Variants in CAST observed in about 807,000 individuals in gnomAD.
CAST encodes the protein MIR583 host.
Under a neutral mutation model 119.6 loss-of-function variants are expected in CAST, and 76 were observed. The ratio of observed to expected loss-of-function variants is 0.64; its 90% CI spans 0.53 to 0.77. CAST has a LOEUF of 0.77. Among genes scored for constraint, CAST ranks in the 30% least tolerant of loss-of-function variants. The probability of loss-of-function intolerance (pLI) is 0.00; values close to 1 mark genes in which losing one functional copy is unlikely to be tolerated. For synonymous variants in CAST, 319 were observed against 331.6 expected, an observed-to-expected ratio of 0.96 and a Z score of 0.41; for missense variants, 953 against 946.5, an observed-to-expected ratio of 1.01 and a Z score of -0.09.
the CAST span, among the ~76,000 whole-genome samples, chr5:96,516,788 G>A: frequency 6.6e-6 from 1 of 152,188 alleles, no homozygotes; most frequent in South Asian, 2.1e-4. Context: ...ACATGCATTT[G>A]TATTTTGGAA....
intron 18 of CAST, 98 bp from the exon 19 acceptor site, chr5:96,748,420 A>T (rs1165595627): frequency 1.8e-6 from 1 of 557,282 alleles, no homozygotes. Flanking sequence ...GTATGGCCTC[A>T]TATGTGTTAA....
chr5:96,647,994 CT>C, intron 1 of CAST, among the ~76,000 whole-genome samples: 1 of 152,338 alleles, frequency 6.6e-6, no homozygotes, highest in East Asian at 1.9e-4. Flanking sequence ...GGAAATGCCC[CT>C]TGTGAATTTG....
chr5:96,043,142 G>A, the CAST span, among the ~76,000 whole-genome samples: 3 of 152,080 alleles, frequency 2.0e-5, no homozygotes, highest in African/African-American at 7.2e-5. Flanking sequence ...TAAAATACAA[G>A]ATTAAAAACA....
chr5:95,998,178 A>C, the CAST span, among the ~76,000 whole-genome samples: 1 of 152,104 alleles, frequency 6.6e-6, no homozygotes, highest in Middle Eastern at 3.4e-3. Flanking sequence ...TCACCTATTT[A>C]AAGTGTACAT....
chr5:96,741,146 C>T (rs1342433490), intron 13 of CAST, 120 bp from the exon 14 acceptor site: 1 of 645,584 alleles, frequency 1.5e-6, no homozygotes, highest in Non-Finnish European at 2.8e-6. Flanking sequence ...GTTTCATTAA[C>T]ACACCTCATT....
At chr5:96,288,170 C>T in the CAST span, among the ~76,000 whole-genome samples, 1 of 152,062 alleles carries the variant, frequency 6.6e-6, no homozygotes, top group Non-Finnish European at 1.5e-5. Context: ...TGTGGGTGCA[C>T]CTGGAAAGAA....
At chr5:96,722,256 G>GT (rs1377129462) in intron 3 of CAST, among the ~76,000 whole-genome samples, 19 of 152,160 alleles carry the variant, frequency 1.2e-4, no homozygotes, top group African/African-American at 1.9e-4. Flanking sequence ...CAAAATCCAT[G>GT]TTTTTTCTGA....
the CAST span, among the ~76,000 whole-genome samples, chr5:96,356,763 C>T: frequency 1.3e-5 from 2 of 152,050 alleles, no homozygotes; most frequent in Admixed American, 6.6e-5. Flanking sequence ...AGTCAGGTAG[C>T]GTGATGCCTC....
the CAST span, among the ~76,000 whole-genome samples, chr5:96,378,784 TTTA>T: frequency 6.6e-6 from 1 of 152,130 alleles, no homozygotes; most frequent in Non-Finnish European, 1.5e-5. Flanking sequence ...ACCAATTCAT[TTTA>T]TTATCATTCA....
chr5:96,075,157 ATATG>A, the CAST span, among the ~76,000 whole-genome samples: 5 of 152,076 alleles, frequency 3.3e-5, no homozygotes, highest in East Asian at 9.6e-4. Context: ...CTCTTCTAAT[ATATG>A]TTCGTCTTTT....
chr5:96,675,728 C>A, intron 2 of CAST, 127 bp downstream of exon 2: 1 of 661,726 alleles, frequency 1.5e-6, no homozygotes. Flanking sequence ...TTTGATTTAA[C>A]CAAGATTTGG....
At chr5:96,269,992 C>A in the CAST span, among the ~76,000 whole-genome samples, 1 of 152,070 alleles carries the variant, frequency 6.6e-6, no homozygotes, top group East Asian at 1.9e-4. Flanking sequence ...AAATTCTCAA[C>A]AAAATACTAG....
chr5:96,291,599 TTC>T, the CAST span, among the ~76,000 whole-genome samples: 14 of 152,126 alleles, frequency 9.2e-5, no homozygotes, highest in Non-Finnish European at 4.4e-5. Flanking sequence ...ACTCATTCAT[TTC>T]TCTCTCTTAA....
chr5:96,559,784 G>T (rs1429042650), intron 1 of CAST, among the ~76,000 whole-genome samples: 1 of 152,166 alleles, frequency 6.6e-6, no homozygotes, highest in Non-Finnish European at 1.5e-5. Flanking sequence ...AGTGCCCAAG[G>T]TAATTTATAG....
At chr5:96,248,147 C>T in the CAST span, 4 of 152,240 alleles carry the variant, frequency 2.6e-5, no homozygotes, top group South Asian at 2.1e-4. Flanking sequence ...TTCTTGGCCT[C>T]CCCTTTAGTT....
the CAST span, among the ~76,000 whole-genome samples, chr5:96,178,742 G>A: frequency 6.6e-6 from 1 of 152,174 alleles, no homozygotes; most frequent in Admixed American, 6.5e-5. Context: ...GCCCTTCCTG[G>A]GGAAAATCAG....
the CAST span, among the ~76,000 whole-genome samples, chr5:96,080,660 T>C: frequency 4.6e-5 from 7 of 152,204 alleles, no homozygotes; most frequent in Non-Finnish European, 1.0e-4. Context: ...AAATGAGACC[T>C]GATTTATGTG....
the CAST span, among the ~76,000 whole-genome samples, chr5:96,258,167 A>G: frequency 6.6e-6 from 1 of 152,172 alleles, no homozygotes; most frequent in Non-Finnish European, 1.5e-5. Flanking sequence ...AAAGGCCATG[A>G]CATCGTAACT....
chr5:96,573,505 C>T (rs1746608781), intron 1 of CAST, among the ~76,000 whole-genome samples: 1 of 151,940 alleles, frequency 6.6e-6, no homozygotes, highest in African/African-American at 2.4e-5. Flanking sequence ...CTAGTGTGAT[C>T]GTGCATGCCT....
Sources: allele counts gnomAD v4.1 joint callset (sites outside exome capture counted in the v4.1 genomes callset), GRCh38; gene constraint gnomAD v4.1.1; transcripts MANE v1.5; gene names NCBI Gene and HGNC (gene_info 2026-07-23, HGNC 2026-07-21).